Variants in GPHN observed in about 807,000 individuals in gnomAD.
GPHN encodes gephyrin.
A neutral mutation model predicts 95.5 loss-of-function variants in GPHN; 17 were observed. The observed-to-expected ratio is 0.18, with a 90% CI of 0.12 to 0.27. GPHN has a LOEUF of 0.27. Among genes scored for constraint, GPHN ranks in the 10% least tolerant of loss-of-function variants. GPHN has a pLI of 1.00. For missense variants in GPHN, 660 were observed against 978.1 expected, an observed-to-expected ratio of 0.67 and a Z score of 4.34; for synonymous variants, 320 against 322.5, an observed-to-expected ratio of 0.99 and a Z score of 0.08.
chr14:66,932,444 G>GTTTTTTTTTTTTGT (rs2066855926), intron 8 of GPHN, among the ~76,000 whole-genome samples: 1 of 24,380 alleles, frequency 4.1e-5, no homozygotes, highest in African/African-American at 1.6e-4. Flanking sequence ...CCAAGACCAG[G>GTTTTTTTTTTTTGT]TTTTTTTTTT....
chr14:67,615,696 C>T, the GPHN span: 218 of 489,328 alleles, frequency 4.5e-4, 1 homozygote, highest in East Asian at 2.8e-3. Context: ...AGGCCCGTTA[C>T]GAAAGAGAAA....
At chr14:67,338,484 A>C in the GPHN span, 12 of 940,718 alleles carry the variant, frequency 1.3e-5, no homozygotes, top group Middle Eastern at 4.6e-4. Flanking sequence ...TAATCCCATA[A>C]ATAGACATCT....
the GPHN span, among the ~76,000 whole-genome samples, chr14:67,666,215 T>C: frequency 1.3e-5 from 2 of 152,222 alleles, no homozygotes; most frequent in African/African-American, 4.8e-5. Flanking sequence ...CAACTGTGTT[T>C]AGTCATAAAT....
At chr14:67,656,487 C>T in the GPHN span, 16 of 1,613,912 alleles carry the variant, frequency 9.9e-6, no homozygotes, top group Non-Finnish European at 1.4e-5. Flanking sequence ...CCAATCTGGT[C>T]AGTCTCTGTG....
At chr14:66,632,981 T>C (rs2063902384) in intron 1 of GPHN, among the ~76,000 whole-genome samples, 1 of 152,242 alleles carries the variant, frequency 6.6e-6, no homozygotes. Flanking sequence ...CATTCTTCTT[T>C]CTGTGCCCTT....
At chr14:67,237,064 T>C in the GPHN span, among the ~76,000 whole-genome samples, 5 of 152,032 alleles carry the variant, frequency 3.3e-5, no homozygotes, top group African/African-American at 9.7e-5. Context: ...TACTCCAGCC[T>C]GGGTGACTGA....
chr14:66,909,382 T>G (rs1040209659), intron 5 of GPHN, among the ~76,000 whole-genome samples: 1 of 151,876 alleles, frequency 6.6e-6, no homozygotes, highest in Non-Finnish European at 1.5e-5. Flanking sequence ...AAAGGGAAAA[T>G]GTAGGTGAAT....
chr14:67,599,949 G>T, the GPHN span: 4 of 1,292,846 alleles, frequency 3.1e-6, no homozygotes, highest in South Asian at 3.2e-5. Context: ...GTCCGGGCTC[G>T]ACCAAAGACC....
At chr14:66,806,093 C>T (rs111670302) in intron 3 of GPHN, among the ~76,000 whole-genome samples, 79 of 152,298 alleles carry the variant, frequency 5.2e-4, no homozygotes, top group African/African-American at 1.6e-3. Context: ...TCCCAAACCT[C>T]AATTCTTGAT....
the GPHN span, among the ~76,000 whole-genome samples, chr14:67,434,726 G>A: frequency 6.6e-6 from 1 of 152,198 alleles, no homozygotes; most frequent in Non-Finnish European, 1.5e-5. Context: ...CCTACAGGCA[G>A]TGTCTTGGTC....
At chr14:67,124,612 A>T (rs971692778) in intron 17 of GPHN, among the ~76,000 whole-genome samples, 1 of 152,192 alleles carries the variant, frequency 6.6e-6, no homozygotes, top group South Asian at 2.1e-4. Context: ...AAACACAAAG[A>T]TAAGGCAAGC....
At chr14:67,201,960 T>C in the GPHN span, among the ~76,000 whole-genome samples, 1 of 152,138 alleles carries the variant, frequency 6.6e-6, no homozygotes, top group Non-Finnish European at 1.5e-5. Context: ...TACATGCTGT[T>C]CCTCTGCCTG....
At chr14:67,019,291 G>C (rs1374509719) in intron 9 of GPHN, among the ~76,000 whole-genome samples, 4 of 152,114 alleles carry the variant, frequency 2.6e-5, no homozygotes, top group Non-Finnish European at 4.4e-5. Flanking sequence ...TAAGTAAGCA[G>C]CTAAACAGAA....
At chr14:66,520,653 AG>A (rs1335842571) in intron 1 of GPHN, among the ~76,000 whole-genome samples, 2 of 151,788 alleles carry the variant, frequency 1.3e-5, no homozygotes, top group Non-Finnish European at 2.9e-5. Flanking sequence ...TTATAGTAAT[AG>A]TTTCATGTTT....
At chr14:66,616,266 C>G (rs2063023468) in intron 1 of GPHN, among the ~76,000 whole-genome samples, 1 of 84,956 alleles carries the variant, frequency 1.2e-5, no homozygotes, top group Non-Finnish European at 1.8e-5. Flanking sequence ...ATGGGAATAA[C>G]ATTGAATCTA....
the GPHN span, chr14:67,343,552 C>CT: frequency 1.3e-6 from 1 of 783,794 alleles, no homozygotes; most frequent in South Asian, 1.8e-5. Context: ...AAGACAACTT[C>CT]TTTTTGGCAT....
chr14:67,205,424 G>A, the GPHN span, among the ~76,000 whole-genome samples: 11 of 152,148 alleles, frequency 7.2e-5, no homozygotes, highest in South Asian at 1.9e-3. Flanking sequence ...GAATCCACAT[G>A]AGCCTCAGTT....
intron 9 of GPHN, among the ~76,000 whole-genome samples, chr14:66,996,626 G>T (rs2071817497): frequency 6.6e-6 from 1 of 152,066 alleles, no homozygotes; most frequent in African/African-American, 2.4e-5. Flanking sequence ...TTCAATTAGT[G>T]ATTGTTGTGT....
intron 11 of GPHN, among the ~76,000 whole-genome samples, chr14:67,070,987 G>GT (rs2076281010): frequency 6.6e-6 from 1 of 151,984 alleles, no homozygotes; most frequent in Admixed American, 6.5e-5. Flanking sequence ...GAAACAACAG[G>GT]TGCTGGAGAG....
Sources: allele counts gnomAD v4.1 joint callset (sites outside exome capture counted in the v4.1 genomes callset), GRCh38; gene constraint gnomAD v4.1.1; transcripts MANE v1.5; gene names NCBI Gene and HGNC (gene_info 2026-07-23, HGNC 2026-07-21).